CHST11: variants seen among roughly 807,000 people sequenced by gnomAD.
CHST11 encodes C4S-1.
CHST11 carries 9 observed loss-of-function variants against 30.4 expected under a neutral mutation model. The ratio of observed to expected loss-of-function variants is 0.30; its 90% CI spans 0.18 to 0.52. The LOEUF (loss-of-function observed/expected upper bound fraction) is 0.52. Among genes scored for constraint, CHST11 ranks in the 20% least tolerant of loss-of-function variants. The probability of loss-of-function intolerance (pLI) is 0.97; values close to 1 mark genes in which losing one functional copy is unlikely to be tolerated. For synonymous variants in CHST11, 152 were observed against 187.8 expected, an observed-to-expected ratio of 0.81 and a Z score of 1.56; for missense variants, 348 against 460.6, an observed-to-expected ratio of 0.76 and a Z score of 2.24.
intron 2 of CHST11, among the ~76,000 whole-genome samples, chr12:104,630,359 G>A (rs930793973): frequency 1.3e-5 from 2 of 152,186 alleles, no homozygotes; most frequent in African/African-American, 2.4e-5. Flanking sequence ...TTGTTGTAAA[G>A]GTTAAACAAG....
chr12:104,630,587 C>T (rs1727866557), intron 2 of CHST11, among the ~76,000 whole-genome samples: 1 of 152,186 alleles, frequency 6.6e-6, no homozygotes, highest in African/African-American at 2.4e-5. Context: ...GGTAAATTGG[C>T]CTTCCCGAAA....
intron 1 of CHST11, among the ~76,000 whole-genome samples, chr12:104,583,600 C>T (rs1482037543): frequency 6.6e-6 from 1 of 152,228 alleles, no homozygotes; most frequent in African/African-American, 2.4e-5. Flanking sequence ...GCTTTTATCT[C>T]CCTTACCCCT....
At chr12:104,499,067 C>T (rs950571533) in intron 1 of CHST11, among the ~76,000 whole-genome samples, 1 of 152,176 alleles carries the variant, frequency 6.6e-6, no homozygotes, top group Non-Finnish European at 1.5e-5. Context: ...ATTTAGATCT[C>T]CCTATCTGGA....
At chr12:104,550,852 G>A (rs895219905) in intron 1 of CHST11, among the ~76,000 whole-genome samples, 2 of 152,184 alleles carry the variant, frequency 1.3e-5, no homozygotes, top group South Asian at 4.1e-4. Flanking sequence ...TACTAGGGTG[G>A]TGCAGGCTTT....
rs1433222797 is a variant in CHST11, at chr12:104,760,126, A to T, written c.*2323A>T. 6.6e-6 allele frequency: 1 copy of T among 152,168 alleles called. No individual in the cohort carries two copies. Among genetic ancestry groups the T allele is most frequent in the East Asian group, 1.9e-4 (1 of 5,192 alleles). The allele number at this position is 152,168 out of a possible 1,614,324, so 9.4% of individuals were successfully genotyped here. On this transcript the variant is annotated 3_prime_UTR_variant, in exon 3 of 3. Coordinates refer to ENST00000303694, the MANE Select transcript of CHST11 (RefSeq NM_018413.6). Reference sequence around the variant, plus strand: ...TGAGTCTGTAGCATTTCCTGAACTTACATGACCAGGATACTCTATTTTGCA... The same window carrying T: ...TGAGTCTGTAGCATTTCCTGAACTTTCATGACCAGGATACTCTATTTTGCA...
intron 2 of CHST11, among the ~76,000 whole-genome samples, chr12:104,631,894 G>A (rs2039273932): frequency 6.6e-6 from 1 of 152,188 alleles, no homozygotes; most frequent in South Asian, 2.1e-4. Context: ...TTTCCCGGGA[G>A]CTCCCCCTTA....
intron 2 of CHST11, among the ~76,000 whole-genome samples, chr12:104,743,041 C>A (rs75424239): frequency 2.6e-5 from 4 of 152,168 alleles, no homozygotes; most frequent in Non-Finnish European, 5.9e-5. Context: ...CCTCATTGGC[C>A]GTCTTGTGAC....
At chr12:104,578,178 G>C (rs763396492) in intron 1 of CHST11, among the ~76,000 whole-genome samples, 6 of 152,118 alleles carry the variant, frequency 3.9e-5, no homozygotes, top group Non-Finnish European at 8.8e-5. Flanking sequence ...CCAGCAACAG[G>C]GGGTGGTTCT....
At chr12:104,466,883 T>C (rs1396051959) in intron 1 of CHST11, among the ~76,000 whole-genome samples, 2 of 152,262 alleles carry the variant, frequency 1.3e-5, no homozygotes, top group Non-Finnish European at 2.9e-5. Flanking sequence ...GCTGACTCTT[T>C]ATCAATTCTG....
At chr12:104,464,331 G>A (rs1684281258) in intron 1 of CHST11, among the ~76,000 whole-genome samples, 1 of 151,978 alleles carries the variant, frequency 6.6e-6, no homozygotes, top group African/African-American at 2.4e-5. Flanking sequence ...GCCTCCCAAA[G>A]TGCTGGTAGA....
At chr12:104,681,337 A>G in intron 2 of CHST11, among the ~76,000 whole-genome samples, 1 of 152,258 alleles carries the variant, frequency 6.6e-6, no homozygotes, top group Non-Finnish European at 1.5e-5. Context: ...AATTACTCAC[A>G]AAAGACCGCA....
At chr12:104,733,654 C>T (rs77342049) in intron 2 of CHST11, among the ~76,000 whole-genome samples, 3 of 152,296 alleles carry the variant, frequency 2.0e-5, no homozygotes, top group Admixed American at 1.3e-4. Context: ...ATTACTTTTG[C>T]GCCAACCTAA....
chr12:104,740,732 A>T (rs1009829225), intron 2 of CHST11, among the ~76,000 whole-genome samples: 1 of 152,158 alleles, frequency 6.6e-6, no homozygotes, highest in Non-Finnish European at 1.5e-5. Flanking sequence ...AGGGTGTCTT[A>T]TTCACCTCTG....
intron 2 of CHST11, among the ~76,000 whole-genome samples, chr12:104,740,929 A>G (rs984189638): frequency 3.3e-5 from 5 of 152,228 alleles, no homozygotes; most frequent in African/African-American, 9.6e-5. Flanking sequence ...CACTTTCACT[A>G]TGATTGAGAA....
At chr12:104,575,341 C>G (rs2136027401) in intron 1 of CHST11, among the ~76,000 whole-genome samples, 1 of 152,258 alleles carries the variant, frequency 6.6e-6, no homozygotes, top group Middle Eastern at 3.4e-3. Context: ...AGACAGTGTT[C>G]TTGCTATGAA....
chr12:104,459,818 C>T (rs1290573864), intron 1 of CHST11, among the ~76,000 whole-genome samples: 1 of 152,170 alleles, frequency 6.6e-6, no homozygotes, highest in Non-Finnish European at 1.5e-5. Flanking sequence ...TTATTTAGAT[C>T]TCTATAAATA....
chr12:104,748,775 C>T (rs1592873405), intron 2 of CHST11, among the ~76,000 whole-genome samples: 1 of 152,132 alleles, frequency 6.6e-6, no homozygotes, highest in South Asian at 2.1e-4. Flanking sequence ...ATTATGGCGG[C>T]CCAAACACTT....
chr12:104,524,737 T>C (rs905592550), intron 1 of CHST11, among the ~76,000 whole-genome samples: 1 of 152,200 alleles, frequency 6.6e-6, no homozygotes, highest in African/African-American at 2.4e-5. Context: ...GTGCCAGTTC[T>C]GTCCTGGGTT....
At position 104,726,931 on chromosome 12, in the gene CHST11, A is replaced by G. The variant is rs1209130609; in HGVS notation, c.205-30018A>G. 2.0e-5 allele frequency among the ~76,000 whole-genome samples: 3 copies of G among 152,178 alleles called. No homozygotes were observed. The East Asian group carries it at 5.8e-4, about 29-fold the overall frequency. ...CAGATAAATATTGGTGGATAGAGTAAGGAGGCTATTAGGGACATGCCTGGG... is the reference window on the plus strand; with the variant it reads ...CAGATAAATATTGGTGGATAGAGTAGGGAGGCTATTAGGGACATGCCTGGG... On this transcript the variant is annotated intron_variant, in intron 2 of 2. Transcript: ENST00000303694.
Sources: allele counts gnomAD v4.1 joint callset (sites outside exome capture counted in the v4.1 genomes callset), GRCh38; gene constraint gnomAD v4.1.1; transcripts MANE v1.5; gene names NCBI Gene and HGNC (gene_info 2026-07-23, HGNC 2026-07-21).